SYT14: variants seen among roughly 807,000 people sequenced by gnomAD.
The protein encoded by SYT14 is synaptotagmin-14.
A neutral mutation model predicts 74.2 loss-of-function variants in SYT14; 32 were observed. The observed-to-expected ratio is 0.43, with a 90% CI of 0.33 to 0.58. The LOEUF is 0.58. Among genes scored for constraint, SYT14 ranks in the 20% least tolerant of loss-of-function variants. SYT14 has a pLI of 0.05. For missense variants in SYT14, 791 were observed against 981.8 expected (o/e 0.81, Z 2.60); for synonymous variants, 298 against 337.7 (o/e 0.88, Z 1.29).
exon 4 of SYT14, chr1:210,017,066 G>C: frequency 8.1e-7 from 1 of 1,231,712 alleles, no homozygotes; most frequent in Non-Finnish European, 1.0e-6. Flanking sequence ...AAAGAGTAAA[G>C]ATGAAAAATA....
intron 5 of SYT14, among the ~76,000 whole-genome samples, chr1:210,066,553 C>T (rs905663549): frequency 1.4e-4 from 22 of 152,008 alleles, no homozygotes; most frequent in African/African-American, 2.2e-4. Context: ...TCATATCCTT[C>T]GCTCACTTTT....
intron 7 of SYT14, among the ~76,000 whole-genome samples, chr1:210,111,744 G>A (rs1302865852): frequency 1.3e-5 from 2 of 151,180 alleles, no homozygotes; most frequent in Non-Finnish European, 2.9e-5. Context: ...CACGAAGTCC[G>A]AATAATAGGA....
At chr1:210,120,151 T>C (rs928552458) in intron 7 of SYT14, among the ~76,000 whole-genome samples, 6 of 151,112 alleles carry the variant, frequency 4.0e-5, no homozygotes, top group African/African-American at 1.5e-4. Flanking sequence ...TTTTTTTTTC[T>C]AGTAGGAAAA....
intron 8 of SYT14, among the ~76,000 whole-genome samples, chr1:210,156,630 A>G (rs915782995): frequency 6.7e-6 from 1 of 149,470 alleles, no homozygotes; most frequent in African/African-American, 2.5e-5. Flanking sequence ...GTCACCCAAT[A>G]TACCTCTAAA....
chr1:210,081,329 T>C (rs2102480776), intron 5 of SYT14, among the ~76,000 whole-genome samples: 1 of 152,312 alleles, frequency 6.6e-6, no homozygotes, highest in African/African-American at 2.4e-5. Flanking sequence ...TGCTTCTGGG[T>C]ATAGTTAAGG....
At chr1:209,944,399 A>G (rs1405366901) in intron 1 of SYT14, among the ~76,000 whole-genome samples, 1 of 152,212 alleles carries the variant, frequency 6.6e-6, no homozygotes, top group African/African-American at 2.4e-5. Context: ...TTATAAGATA[A>G]AATTTATACC....
At chr1:210,055,098 AG>A (rs1436184546) in intron 5 of SYT14, among the ~76,000 whole-genome samples, 25 of 152,222 alleles carry the variant, frequency 1.6e-4, no homozygotes, top group Admixed American at 1.6e-3. Context: ...GTTGAGTGAA[AG>A]GGCTTGTTTC....
chr1:210,040,946 T>G lies in SYT14; in HGVS notation c.1312+19692T>G, dbSNP rs571321097. Among the ~76,000 whole-genome samples the G allele has an allele frequency of 3.3e-5, 5 of 152,326 alleles. No homozygotes were observed. In the South Asian group the frequency reaches 1.0e-3, roughly 32 times the overall value. ...GATAGCTGGGCTTCCATGATCTCTG[T>G]TCTTCTACGGGAGTGGCCTGCAGTG... On this transcript the variant is annotated intron_variant, in intron 5 of 9. Transcript: ENST00000637265.
chr1:210,048,898 G>T (rs973343361), intron 5 of SYT14, among the ~76,000 whole-genome samples: 1 of 152,174 alleles, frequency 6.6e-6, no homozygotes, highest in African/African-American at 2.4e-5. Context: ...TTCCAAATGG[G>T]AGAAATTCAC....
rs529602251 is a variant in SYT14 at position 210,135,522 on chromosome 1, C to T, written c.2035-20199C>T. Among the ~76,000 whole-genome samples the T allele has an allele frequency of 2.6e-5, 4 of 152,256 alleles. No homozygotes were observed. In the South Asian group the frequency reaches 6.2e-4, roughly 24 times the overall value. ...TTGAACCATGGGACATATTTATAAT[C>T]GCTGTTTTAAGGTCCATGTCTACAA... On this transcript the variant is annotated intron_variant, in intron 7 of 9. Transcript: ENST00000637265.
chr1:210,113,046 G>A (rs1040499939), intron 7 of SYT14, among the ~76,000 whole-genome samples: 43 of 151,406 alleles, frequency 2.8e-4, no homozygotes, highest in Non-Finnish European at 3.4e-4. Context: ...TTAAAGCAGC[G>A]GCAGCCGCCG....
intron 4 of SYT14, 134 bp from the exon 4 acceptor site, chr1:210,020,905 T>A: frequency 1.4e-6 from 1 of 698,774 alleles, no homozygotes; most frequent in Non-Finnish European, 2.6e-6. Flanking sequence ...ATGTGTGTGT[T>A]TATATATATA....
intron 5 of SYT14, among the ~76,000 whole-genome samples, chr1:210,022,763 G>A (rs554040109): frequency 6.5e-4 from 99 of 152,288 alleles, no homozygotes; most frequent in African/African-American, 2.3e-3. Context: ...CAATTATAAT[G>A]GTAGTGAAAA....
intron 2 of SYT14, among the ~76,000 whole-genome samples, chr1:209,969,486 C>CTTTTTTT (rs35157576): frequency 2.4e-5 from 3 of 127,206 alleles, no homozygotes; most frequent in East Asian, 2.5e-4. Flanking sequence ...TTTTTTCTTT[C>CTTTTTTT]TTTTTTTTTT....
At chr1:210,103,345 T>C (rs925211379) in intron 7 of SYT14, among the ~76,000 whole-genome samples, 1 of 151,854 alleles carries the variant, frequency 6.6e-6, no homozygotes, top group Non-Finnish European at 1.5e-5. Flanking sequence ...GGTCAGGAGA[T>C]TGAGACCATC....
chr1:210,013,166 G>A (rs994735885), intron 2 of SYT14, among the ~76,000 whole-genome samples: 21 of 151,038 alleles, frequency 1.4e-4, no homozygotes, highest in African/African-American at 4.9e-4. Flanking sequence ...TGTCTCCCAG[G>A]TTCAAGCGAT....
chr1:210,000,555 G>T (rs1444409109), intron 2 of SYT14, among the ~76,000 whole-genome samples: 1 of 146,298 alleles, frequency 6.8e-6, no homozygotes, highest in Non-Finnish European at 1.5e-5. Context: ...TTAATTTATT[G>T]CTGCTTTTCT....
chr1:210,065,336 T>C (rs2081277561), intron 5 of SYT14, among the ~76,000 whole-genome samples: 1 of 152,048 alleles, frequency 6.6e-6, no homozygotes, highest in African/African-American at 2.4e-5. Flanking sequence ...CTTGTGATAC[T>C]GAATGAGTTC....
intron 2 of SYT14, among the ~76,000 whole-genome samples, chr1:209,972,925 T>A (rs2102759623): frequency 6.6e-6 from 1 of 152,316 alleles, no homozygotes; most frequent in African/African-American, 2.4e-5. Context: ...CACGATGATG[T>A]GTCTCATGCT....
Sources: allele counts gnomAD v4.1 joint callset (sites outside exome capture counted in the v4.1 genomes callset), GRCh38; gene constraint gnomAD v4.1.1; transcripts MANE v1.5; gene names NCBI Gene and HGNC (gene_info 2026-07-23, HGNC 2026-07-21).